Variants in HRNR observed in about 807,000 individuals in gnomAD.
HRNR encodes hornerin.
HRNR carries 7 observed loss-of-function variants against 4.8 expected under a neutral mutation model. That is an observed-to-expected ratio of 1.47 (90% confidence interval 0.83 to 2.75). The LOEUF is 2.75. Among genes scored for constraint, HRNR ranks in the 30% most tolerant of loss-of-function variants. The pLI, the probability that HRNR is intolerant of heterozygous loss-of-function variation, is 0.00. For missense variants in HRNR, 2,879 were observed against 3,010.4 expected, an observed-to-expected ratio of 0.96 and a Z score of 1.02; for synonymous variants, 1,023 against 1,242.7, an observed-to-expected ratio of 0.82 and a Z score of 3.72.
In HRNR at chr1:152,220,257, C is replaced by G. The variant is rs956850981; in HGVS notation, c.1372G>C (p.Gly458Arg). The G allele has an allele frequency of 3.1e-6, 5 of 1,613,852 alleles. No homozygotes were observed. Among genetic ancestry groups the G allele is most frequent in the Non-Finnish European group, 4.2e-6 (5 of 1,179,984 alleles). Residue 458 changes from glycine to arginine, a missense_variant, in exon 3 of 3, where the codon GGT becomes CGT. By Grantham distance (125) the Gly-to-Arg change is moderately radical. This residue lies in a region of HRNR where 2,646 missense variants were observed against 1,377.7 expected (regional missense o/e 1.92). Coordinates refer to ENST00000368801, the MANE Select transcript of HRNR (RefSeq NM_001009931.3). ...RSSSSGPYVS[G>R]SGYSSGFGHH... Reference sequence around the variant, plus strand: ...CCAAAGCCAGAAGAGTAGCCTGAACCAGACACATATGGGCCACTGCTGGAA... The same window carrying G: ...CCAAAGCCAGAAGAGTAGCCTGAACGAGACACATATGGGCCACTGCTGGAA...
chr1:152,214,686 AG>A lies in HRNR; in HGVS notation c.6942del (p.Tyr2315ThrfsTer146), dbSNP rs1648539298. 1 of 1,607,680 alleles carries A rather than the reference AG, an allele frequency of 6.2e-7. No homozygotes were observed. Among genetic ancestry groups the A allele is most frequent in the Admixed American group, 1.7e-5 (1 of 59,718 alleles). On this transcript the variant is annotated frameshift_variant, in exon 3 of 3. Coordinates refer to ENST00000368801, the MANE Select transcript of HRNR (RefSeq NM_001009931.3). LOFTEE classifies it low-confidence loss of function (END_TRUNC). ...RHGSGSGHSS[S>X]YGQHGSGSGW... ...CCGGAGCCAGACCCATGTTGGCCGTAGCTGGAAGAGTGCCCGGAACCGGACC... is the reference window on the plus strand; with the variant it reads ...CCGGAGCCAGACCCATGTTGGCCGTACTGGAAGAGTGCCCGGAACCGGACC...
chr1:152,219,161 C>T lies in HRNR; in HGVS notation c.2468G>A (p.Gly823Asp), dbSNP rs141959057. The T allele has an allele frequency of 3.5e-5, 56 of 1,613,558 alleles. No individual in the cohort carries two copies. Among genetic ancestry groups the T allele is most frequent in the Non-Finnish European group, 4.4e-5 (52 of 1,179,970 alleles). ...ATGCTGACTATAGCCCTGTCCTGAG[C>T]CAGACTCGTGTTGCCCAAAACCAGA... is the stretch of plus-strand genomic sequence containing the variant. ...QASGFGQHES[G>D]SGQGYSQHGS... Residue 823 changes from glycine to aspartate, a missense_variant, in exon 3 of 3, where the codon GGC becomes GAC. Transcript: ENST00000368801.
rs1477555436 is a variant in HRNR, at chr1:152,219,137, T to G, written c.2492A>C (p.His831Pro). 1 of 1,613,638 alleles carries G rather than the reference T, an allele frequency of 6.2e-7. No homozygotes were observed. The highest frequency in any genetic ancestry group is 8.5e-7 in the Non-Finnish European group (1 of 1,179,982). Residue 831 changes from histidine to proline, a missense_variant, in exon 3 of 3, where the codon CAT (histidine) becomes CCT (proline). This residue lies in a region of HRNR where 2,646 missense variants were observed against 1,377.7 expected (regional missense o/e 1.92). Transcript: ENST00000368801. ...AGAGAAGTGACCTGAGGCAGAACCA[T>G]GCTGACTATAGCCCTGTCCTGAGCC... is the stretch of plus-strand genomic sequence containing the variant. Reference protein sequence around the residue: ...ESGSGQGYSQHGSASGHFSSQ... With the variant: ...ESGSGQGYSQPGSASGHFSSQ...
Position 152,218,650 on chromosome 1 carries a change from A to G in HRNR, c.2979T>C (p.Ser993=), listed in dbSNP as rs544273770. 1.9e-6 allele frequency: 3 copies of G among 1,613,118 alleles called. No individual in the cohort carries two copies. The highest frequency in any genetic ancestry group is 3.3e-5 in the Admixed American group (2 of 59,956). Residue 993 remains serine (S), a synonymous_variant, in exon 3 of 3, where the codon TCT becomes TCC. Coordinates refer to ENST00000368801, the MANE Select transcript of HRNR (RefSeq NM_001009931.3). ...YGQHGSGSRQ[S]LGHGQHGSGS... ...CAGACCCATGTTGGCCGTGGCCCAAAGACTGACGGGAGCCAGACCCATGCT... is the reference window on the plus strand; with the variant it reads ...CAGACCCATGTTGGCCGTGGCCCAAGGACTGACGGGAGCCAGACCCATGCT...
rs145811541 is a variant in HRNR, at chr1:152,219,645, G to A, written c.1984C>T (p.Arg662Cys). The stretch of plus-strand genomic sequence containing the variant: ...CCAAAATCGGACCCATGTCGGCCGC[G>A]ACTAGGAGACTGGCCAGATCCAGAG... ...QGSGSGQSPS[R>C]GRHGSDFGHS... Residue 662 changes from arginine to cysteine, a missense_variant, in exon 3 of 3, where the codon CGC becomes TGC. Physicochemically the swap from Arg to Cys is radical, Grantham distance 180. Around this residue, in one of 8 missense-constraint regions of HRNR, gnomAD observed 2,646 missense variants for 1,377.7 expected, o/e 1.92. Coordinates refer to ENST00000368801, the MANE Select transcript of HRNR (RefSeq NM_001009931.3). 2.9e-3 allele frequency: 4,674 copies of A among 1,613,078 alleles called. 22 individuals are homozygous for A. The highest frequency in any genetic ancestry group is 0.02 in the South Asian group (1,832 of 91,064).
rs1484099421 is a variant in HRNR at position 152,218,174 on chromosome 1, G to A, written c.3455C>T (p.Ser1152Phe). Residue 1152 changes from serine to phenylalanine, a missense_variant, in exon 3 of 3, where the codon TCC becomes TTC. Ser to Phe is a radical substitution (Grantham distance 155). Around this residue, in one of 8 missense-constraint regions of HRNR, gnomAD observed 26 missense variants for 79.4 expected, o/e 0.33. Transcript: ENST00000368801. ...GCCAGACCCATGTTGGCCACTGCTG[G>A]AAGACCGACCGGAGCCAGACCCATG... ...GRHGSGSGRS[S>F]SSGQHGSGLG... is the part of the protein sequence containing the mutation. 1 of 1,230,938 alleles carries A rather than the reference G, an allele frequency of 8.1e-7. No individual in the cohort carries two copies. The highest frequency in any genetic ancestry group is 1.1e-6 in the Non-Finnish European group (1 of 870,492). 76.3% of individuals were successfully genotyped at this position (1,230,938 alleles called of 1,614,324 possible).
chr1:152,218,635 T>G lies in HRNR; in HGVS notation c.2994A>C (p.Gln998His), dbSNP rs1648761944. The G allele has an allele frequency of 6.2e-7, 1 of 1,612,416 alleles. No homozygotes were observed. Among genetic ancestry groups the G allele is most frequent in the East Asian group, 2.2e-5 (1 of 44,700 alleles). Residue 998 changes from glutamine (Q) to histidine (H), a missense_variant, in exon 3 of 3, where the codon CAA becomes CAC. Coordinates refer to ENST00000368801, the MANE Select transcript of HRNR (RefSeq NM_001009931.3). Reference protein sequence around the residue: ...SGSRQSLGHGQHGSGSGQSPS... With the variant: ...SGSRQSLGHGHHGSGSGQSPS... ...GAGACTGGCCAGATCCAGACCCATG[T>G]TGGCCGTGGCCCAAAGACTGACGGG...
rs745813210 is a variant in HRNR at position 152,223,123 on chromosome 1, A to G, written c.131T>C (p.Ile44Thr). The G allele has an allele frequency of 1.1e-5, 17 of 1,613,590 alleles. No homozygotes were observed. Among genetic ancestry groups the G allele is most frequent in the South Asian group, 2.2e-5 (2 of 90,960 alleles). ...KELLENEFHQ[I>T]LKNPNDPDTV... ...CTGGCGTGGAGTTCTTACCTTCAGA[A>G]TTTGATGAAACTCATTTTCCAGAAG... is the stretch of plus-strand genomic sequence containing the variant. The change falls in exon 2 of 3, where the codon ATT becomes ACT. Residue 44 changes from isoleucine to threonine, a missense_variant. By Grantham distance (89) the Ile-to-Thr change is moderately conservative. Coordinates refer to ENST00000368801, the MANE Select transcript of HRNR (RefSeq NM_001009931.3).
chr1:152,223,195 G>C lies in HRNR; in HGVS notation c.59C>G (p.Thr20Ser). 6.2e-7 allele frequency: 1 copy of C among 1,613,690 alleles called. No individual in the cohort carries two copies. The highest frequency in any genetic ancestry group is 2.2e-5 in the East Asian group (1 of 44,870). The stretch of plus-strand genomic sequence containing the variant: ...CAACGTATCATACTCCCCATGCTGG[G>C]TGGCATATTGGTAGAAAACATCGAT... ...TVIDVFYQYA[T>S]QHGEYDTLNK... Residue 20 changes from threonine (T) to serine (S), a missense_variant, in exon 2 of 3, where the codon ACC becomes AGC. By Grantham distance (58) the Thr-to-Ser change is moderately conservative. Coordinates refer to ENST00000368801, the MANE Select transcript of HRNR (RefSeq NM_001009931.3).
chr1:152,218,808 A>G lies in HRNR; in HGVS notation c.2821T>C (p.Ser941Pro). ...GFGHKSSSGQ[S>P]SGYTQHGSGS... ...GATCCATGCTGAGTGTAACCAGAGG[A>G]CTGCCCTGAGCTAGACTTGTGACCA... Residue 941 changes from serine to proline, a missense_variant, in exon 3 of 3, where the codon TCC (serine) becomes CCC (proline). By Grantham distance (74) the Ser-to-Pro change is moderately conservative. Around this residue, in one of 8 missense-constraint regions of HRNR, gnomAD observed 2,646 missense variants for 1,377.7 expected, o/e 1.92. Transcript: ENST00000368801. 6.2e-7 allele frequency: 1 copy of G among 1,613,544 alleles called. No individual in the cohort carries two copies. The highest frequency in any genetic ancestry group is 8.5e-7 in the Non-Finnish European group (1 of 1,179,938).
Position 152,220,690 on chromosome 1 carries a change from C to A in HRNR, c.939G>T (p.Gly313=), listed in dbSNP as rs777678246. Residue 313 remains glycine (G), a synonymous_variant, in exon 3 of 3, where the codon GGG becomes GGT. Coordinates refer to ENST00000368801, the MANE Select transcript of HRNR (RefSeq NM_001009931.3). ...SRQSPSHVRH[G]SGSGHSSSHG... ...GGCTGGAGGAGTGCCCCGAACCGGA[C>A]CCATGTCGGACGTGGCTAGGAGACT... 5 of 1,613,056 alleles carry A rather than the reference C, an allele frequency of 3.1e-6. No individual in the cohort carries two copies. The highest frequency in any genetic ancestry group is 1.3e-5 in the African/African-American group (1 of 74,946).
Position 152,218,271 on chromosome 1 carries a change from A to T in HRNR, c.3358T>A (p.Ser1120Thr), listed in dbSNP as rs1337369242. 4 of 1,595,568 alleles carry T rather than the reference A, an allele frequency of 2.5e-6. No individual in the cohort carries two copies. In the South Asian group the frequency reaches 4.4e-5, roughly 18 times the overall value. Residue 1120 changes from serine to threonine, a missense_variant, in exon 3 of 3, where the codon TCT (serine) becomes ACT (threonine). Coordinates refer to ENST00000368801, the MANE Select transcript of HRNR (RefSeq NM_001009931.3). ...TGGCCTGGAGACTGGCCAGATCCAG[A>T]GCCCTGTCGGCCATAGCCAGAAGAC... ...SQSSGYGRQGSGSGQSPGHGQ... is the reference protein window; with the variant it reads ...SQSSGYGRQGTGSGQSPGHGQ...
In HRNR at chr1:152,218,516, C is replaced by G. The variant is rs149508273; in HGVS notation, c.3113G>C (p.Gly1038Ala). ...RSGSGWSSSR[G>A]PYESGSGHSS... is the part of the protein sequence containing the mutation. The stretch of plus-strand genomic sequence containing the variant: ...GTGACCGGAGCCAGACTCATATGGG[C>G]CACGGCTTGAAGACCACCCTGAGCC... Residue 1038 changes from glycine to alanine, a missense_variant, in exon 3 of 3, where the codon GGC becomes GCC. This residue lies in a region of HRNR where 2,646 missense variants were observed against 1,377.7 expected (regional missense o/e 1.92). Coordinates refer to ENST00000368801, the MANE Select transcript of HRNR (RefSeq NM_001009931.3). 1.9e-6 allele frequency: 3 copies of G among 1,613,660 alleles called. No homozygotes were observed. The East Asian group carries it at 6.7e-5, about 36-fold the overall frequency.
rs1205056251 is a variant in HRNR, at chr1:152,219,303, G to T, written c.2326C>A (p.Pro776Thr). The T allele has an allele frequency of 2.5e-6, 4 of 1,613,520 alleles. No homozygotes were observed. Among genetic ancestry groups the T allele is most frequent in the Non-Finnish European group, 2.5e-6 (3 of 1,179,908 alleles). ...GRQGSGSGHS[P>T]SRVRHGSSSG... ...CTGGACCCATGTCGGACACGGCTAG[G>T]AGAGTGGCCAGATCCAGACCCTTGT... Residue 776 changes from proline (P) to threonine (T), a missense_variant, in exon 3 of 3, where the codon CCT becomes ACT. Physicochemically the swap from Pro to Thr is conservative, Grantham distance 38. Around this residue, in one of 8 missense-constraint regions of HRNR, gnomAD observed 2,646 missense variants for 1,377.7 expected, o/e 1.92. Transcript: ENST00000368801.
rs1648584139 is a variant in HRNR, at chr1:152,215,376, C to G, written c.6253G>C (p.Gly2085Arg). ...CTGGAAGACCGACCGGAGCCAGACC[C>G]ATGTCGGCCATAGCTGGGAGACTGC... ...SRQSPSYGRH[G>R]SGSGRSSSSG... is the part of the protein sequence containing the mutation. Residue 2085 changes from glycine to arginine, a missense_variant, in exon 3 of 3, where the codon GGG (glycine) becomes CGG (arginine). Around this residue, in one of 8 missense-constraint regions of HRNR, gnomAD observed 11 missense variants for 47.5 expected, o/e 0.23. Coordinates refer to ENST00000368801, the MANE Select transcript of HRNR (RefSeq NM_001009931.3). 3.1e-6 allele frequency: 5 copies of G among 1,589,448 alleles called. No individual in the cohort carries two copies. Among genetic ancestry groups the G allele is most frequent in the Non-Finnish European group, 4.3e-6 (5 of 1,172,368 alleles).
rs563619692 is a variant in HRNR at position 152,218,322 on chromosome 1, C to T, written c.3307G>A (p.Gly1103Ser). The change falls in exon 3 of 3, where the codon GGT (glycine) becomes AGT (serine). Residue 1103 changes from glycine to serine, a missense_variant. This residue lies in a region of HRNR where 2,646 missense variants were observed against 1,377.7 expected (regional missense o/e 1.92). Transcript: ENST00000368801. ...GASSGQSSSH[G>S]QHGSGSSQSS... ...TGACTTGAGCCAGAGCCATGCTGAC[C>T]GTGGCTGGAAGACTGACCTGAGCTA... 2.9e-5 allele frequency: 46 copies of T among 1,609,796 alleles called. No homozygotes were observed. Among genetic ancestry groups the T allele is most frequent in the East Asian group, 1.6e-4 (7 of 44,564 alleles).
chr1:152,218,484 C>G lies in HRNR; in HGVS notation c.3145G>C (p.Gly1049Arg), dbSNP rs1052986932. The G allele has an allele frequency of 6.2e-7, 1 of 1,613,230 alleles. No homozygotes were observed. Among genetic ancestry groups the G allele is most frequent in the Non-Finnish European group, 8.5e-7 (1 of 1,179,930 alleles). Reference sequence around the variant, plus strand: ...GAGCGAGACTCTCGGTGACCTAAGCCAGAAGAGTGACCGGAGCCAGACTCA... The same window carrying G: ...GAGCGAGACTCTCGGTGACCTAAGCGAGAAGAGTGACCGGAGCCAGACTCA... Reference protein sequence around the residue: ...PYESGSGHSSGLGHRESRSGQ... With the variant: ...PYESGSGHSSRLGHRESRSGQ... The change falls in exon 3 of 3, where the codon GGC becomes CGC. Residue 1049 changes from glycine to arginine, a missense_variant. Gly to Arg is a moderately radical substitution (Grantham distance 125). Around this residue, in one of 8 missense-constraint regions of HRNR, gnomAD observed 2,646 missense variants for 1,377.7 expected, o/e 1.92. Transcript: ENST00000368801.
Position 152,219,175 on chromosome 1 carries a change from C to T in HRNR, c.2454G>A (p.Gly818=), listed in dbSNP as rs138554568. The change falls in exon 3 of 3, where the codon GGG becomes GGA. Residue 818 remains glycine (G), a synonymous_variant. Transcript: ENST00000368801. ...ESGSGQASGF[G]QHESGSGQGY... ...CCTGTCCTGAGCCAGACTCGTGTTG[C>T]CCAAAACCAGAAGCCTGGCCTGAGC... The T allele has an allele frequency of 4.1e-5, 66 of 1,611,532 alleles. No individual in the cohort carries two copies. Among genetic ancestry groups the T allele is most frequent in the African/African-American group, 5.4e-5 (4 of 74,084 alleles).
In HRNR at chr1:152,212,535, A is replaced by G. The variant is rs1010565700; in HGVS notation, c.*541T>C. 2 of 156,998 alleles carry G rather than the reference A, an allele frequency of 1.3e-5. No individual in the cohort carries two copies. Among genetic ancestry groups the G allele is most frequent in the Non-Finnish European group, 2.8e-5 (2 of 70,970 alleles). 9.7% of individuals were successfully genotyped at this position (156,998 alleles called of 1,614,324 possible). On this transcript the variant is annotated 3_prime_UTR_variant, in exon 3 of 3. Transcript: ENST00000368801. ...AGAAAAAGGACTTGATGGTTTTGATAAGTAAAGACACTACCGCTGCTGCAT... is the reference window on the plus strand; with the variant it reads ...AGAAAAAGGACTTGATGGTTTTGATGAGTAAAGACACTACCGCTGCTGCAT...
Sources: gnomAD v4.1 joint callset for allele counts on GRCh38, gnomAD v4.1.1 for gene constraint, gnomAD v4.1.1 regional missense constraint, MANE v1.5 for transcripts, NCBI Gene and HGNC (gene_info 2026-07-23, HGNC 2026-07-21) for gene names.